INSL6: variants seen among roughly 807,000 people sequenced by gnomAD.
The protein encoded by INSL6 is insulin-like peptide INSL6.
Under a neutral mutation model 9.4 loss-of-function variants are expected in INSL6, and 16 were observed. The ratio of observed to expected loss-of-function variants is 1.70; its 90% CI spans 1.15 to 2.59. The LOEUF is 2.59. INSL6 is among the 30% of genes most tolerant of loss of function. INSL6 has a pLI of 0.00. For missense variants in INSL6, 391 were observed against 257.3 expected, an observed-to-expected ratio of 1.52 and a Z score of -3.56; for synonymous variants, 154 against 96.9, an observed-to-expected ratio of 1.59 and a Z score of -3.46.
At chr9:5,006,624 C>T in the INSL6 span, among the ~76,000 whole-genome samples, 3 of 152,088 alleles carry the variant, frequency 2.0e-5, no homozygotes, top group African/African-American at 7.2e-5. Context: ...CATCTTCATA[C>T]AGCAACAGGA....
At chr9:4,998,109 G>A in the INSL6 span, among the ~76,000 whole-genome samples, 1 of 152,032 alleles carries the variant, frequency 6.6e-6, no homozygotes, top group Non-Finnish European at 1.5e-5. Context: ...TATTTCACGA[G>A]CAGAATTAAT....
chr9:5,177,254 G>C (rs978227350), intron 1 of INSL6, among the ~76,000 whole-genome samples: 1 of 152,174 alleles, frequency 6.6e-6, no homozygotes, highest in African/African-American at 2.4e-5. Flanking sequence ...GTGGAGCAAT[G>C]AATGGCCTAC....
At chr9:5,033,870 G>C in the INSL6 span, among the ~76,000 whole-genome samples, 1 of 152,116 alleles carries the variant, frequency 6.6e-6, no homozygotes, top group Non-Finnish European at 1.5e-5. Flanking sequence ...ATAAAGACCG[G>C]ATCAAATTCA....
the INSL6 span, among the ~76,000 whole-genome samples, chr9:5,078,992 A>C: frequency 2.0e-5 from 3 of 152,200 alleles, no homozygotes; most frequent in Admixed American, 6.5e-5. Flanking sequence ...ATTATAACTG[A>C]ATTTTGTTAT....
chr9:5,173,034 C>A (rs936771321), intron 1 of INSL6, among the ~76,000 whole-genome samples: 2 of 152,016 alleles, frequency 1.3e-5, no homozygotes, highest in East Asian at 3.9e-4. Flanking sequence ...CATCAATGAT[C>A]ATTAGAGAAA....
At chr9:5,075,034 C>T in the INSL6 span, among the ~76,000 whole-genome samples, 1 of 151,972 alleles carries the variant, frequency 6.6e-6, no homozygotes, top group African/African-American at 2.4e-5. Context: ...TCAAACCAGT[C>T]ACAACATTCC....
At chr9:5,144,435 T>G (rs2130889437) in intron 2 of INSL6, among the ~76,000 whole-genome samples, 1 of 152,254 alleles carries the variant, frequency 6.6e-6, no homozygotes, top group African/African-American at 2.4e-5. Context: ...GTAATTGCTT[T>G]TAGAGTATGC....
chr9:5,176,917 T>C (rs1825321355), intron 1 of INSL6, among the ~76,000 whole-genome samples: 1 of 152,122 alleles, frequency 6.6e-6, no homozygotes, highest in African/African-American at 2.4e-5. Context: ...TTCACAGGTA[T>C]TTACAATAGC....
chr9:5,023,728 C>T, the INSL6 span, among the ~76,000 whole-genome samples: 1 of 152,174 alleles, frequency 6.6e-6, no homozygotes, highest in African/African-American at 2.4e-5. Context: ...GGATAATCTA[C>T]TCAAAGTGTG....
At chr9:5,041,879 C>G in the INSL6 span, 49 of 434,790 alleles carry the variant, frequency 1.1e-4, no homozygotes, top group African/African-American at 9.7e-4. Context: ...GCCACTCCAG[C>G]GCCCATCAGG....
the INSL6 span, among the ~76,000 whole-genome samples, chr9:5,118,593 AT>A: frequency 6.6e-6 from 1 of 152,180 alleles, no homozygotes. Flanking sequence ...TCGGATGAAT[AT>A]TATTTATTTC....
At chr9:5,082,967 G>A in the INSL6 span, among the ~76,000 whole-genome samples, 1 of 152,298 alleles carries the variant, frequency 6.6e-6, no homozygotes, top group African/African-American at 2.4e-5. Context: ...CATAGACACA[G>A]TAACACACTG....
the INSL6 span, among the ~76,000 whole-genome samples, chr9:5,008,551 A>G: frequency 1.3e-5 from 2 of 152,204 alleles, no homozygotes. Flanking sequence ...CCATTTGAGT[A>G]TGAATCTAAA....
At chr9:5,086,731 A>T in the INSL6 span, among the ~76,000 whole-genome samples, 2 of 152,228 alleles carry the variant, frequency 1.3e-5, no homozygotes, top group Non-Finnish European at 2.9e-5. Context: ...CTATAACTTT[A>T]TAGCCTTTGG....
intron 1 of INSL6, among the ~76,000 whole-genome samples, chr9:5,182,164 G>A (rs529904961): frequency 1.3e-5 from 2 of 152,064 alleles, no homozygotes; most frequent in Non-Finnish European, 2.9e-5. Flanking sequence ...GGCTACATAG[G>A]TTAGGTGTTC....
the INSL6 span, among the ~76,000 whole-genome samples, chr9:5,051,754 T>C: frequency 6.6e-6 from 1 of 152,192 alleles, no homozygotes; most frequent in African/African-American, 2.4e-5. Flanking sequence ...TTTTTGAAAT[T>C]GTTCTCCCAA....
At chr9:5,108,693 G>C in the INSL6 span, 3 of 151,864 alleles carry the variant, frequency 2.0e-5, no homozygotes, top group Admixed American at 1.3e-4. Context: ...AGAATATATA[G>C]CCTACCCCTT....
At chr9:5,117,787 G>A in the INSL6 span, among the ~76,000 whole-genome samples, 1 of 152,004 alleles carries the variant, frequency 6.6e-6, no homozygotes, top group Non-Finnish European at 1.5e-5. Flanking sequence ...AAGAGTATAC[G>A]AGGAAGCCTG....
chr9:5,060,902 T>A, the INSL6 span, among the ~76,000 whole-genome samples: 26 of 152,344 alleles, frequency 1.7e-4, no homozygotes, highest in African/African-American at 5.3e-4. Context: ...AAGTTGAAAT[T>A]ACTCCTTGAC....
Sources: allele counts gnomAD v4.1 joint callset (sites outside exome capture counted in the v4.1 genomes callset), GRCh38; gene constraint gnomAD v4.1.1; transcripts MANE v1.5; gene names NCBI Gene and HGNC (gene_info 2026-07-23, HGNC 2026-07-21).